ITPR1: variants seen among roughly 807,000 people sequenced by gnomAD.
ITPR1 encodes inositol 1,4,5-trisphosphate receptor type 1, also known as inositol 1,4,5-trisphosphate-gated calcium channel ITPR1.
Under a neutral mutation model 318.4 loss-of-function variants are expected in ITPR1, and 96 were observed. The observed-to-expected ratio is 0.30, with a 90% CI of 0.26 to 0.36. The LOEUF (loss-of-function observed/expected upper bound fraction) is 0.36, where lower values mean the gene tolerates loss of function less well. ITPR1 is among the 10% of genes least tolerant of loss of function. The probability of loss-of-function intolerance (pLI) is 1.00; values close to 1 mark genes in which losing one functional copy is unlikely to be tolerated. For missense variants in ITPR1, 2,440 were observed against 3,460.2 expected (o/e 0.71, Z 7.40); for synonymous variants, 1,312 against 1,289.9 (o/e 1.02, Z -0.37).
At chr3:4,554,359 G>A (rs1039605405) in intron 4 of ITPR1, among the ~76,000 whole-genome samples, 1 of 152,186 alleles carries the variant, frequency 6.6e-6, no homozygotes, top group Non-Finnish European at 1.5e-5. Context: ...TACATTTTTT[G>A]CCGAGTCGCA....
intron 4 of ITPR1, among the ~76,000 whole-genome samples, chr3:4,533,305 T>G (rs545507978): frequency 2.4e-4 from 36 of 152,198 alleles, no homozygotes; most frequent in Non-Finnish European, 4.9e-4. Flanking sequence ...GGGGAGACAC[T>G]ACAGCGTGGT....
intron 16 of ITPR1, 28 bp from the exon 17 acceptor site, chr3:4,665,110 C>T: frequency 1.2e-6 from 2 of 1,613,528 alleles, no homozygotes; most frequent in Non-Finnish European, 1.7e-6. Context: ...AAGTGATTGC[C>T]ATTTTTGCTT....
At chr3:4,688,272 C>G (rs1173208845) in intron 30 of ITPR1, among the ~76,000 whole-genome samples, 1 of 152,090 alleles carries the variant, frequency 6.6e-6, no homozygotes, top group East Asian at 1.9e-4. Flanking sequence ...CCTTACTCTG[C>G]AGTGCTCCCT....
chr3:4,784,606 C>T (rs1421374324), intron 51 of ITPR1, among the ~76,000 whole-genome samples: 3 of 148,598 alleles, frequency 2.0e-5, no homozygotes, highest in Non-Finnish European at 4.4e-5. Flanking sequence ...TGTGGCTGGG[C>T]ACAGTGGCTC....
chr3:4,644,356 G>T, intron 8 of ITPR1, 122 bp downstream of exon 8: 1 of 655,316 alleles, frequency 1.5e-6, no homozygotes, highest in South Asian at 1.9e-5. Flanking sequence ...TGCCCATTCT[G>T]CAGGTGAAGA....
intron 4 of ITPR1, among the ~76,000 whole-genome samples, chr3:4,579,205 G>A (rs892532926): frequency 5.3e-5 from 8 of 152,260 alleles, no homozygotes; most frequent in Middle Eastern, 3.4e-3. Context: ...TAAAAGATGT[G>A]TCGTTGTGAT....
In ITPR1 at chr3:4,501,560, T is replaced by C. The variant is rs575648260; in HGVS notation, c.-17+7054T>C. ...TGTCCCTGTGCTTTTTCAGTCCTTG[T>C]CATTTAGTGGTTCCTTTGCTTTTTC... On this transcript the variant is annotated intron_variant, in intron 2 of 61. Transcript: ENST00000649015. Among the ~76,000 whole-genome samples the C allele has an allele frequency of 2.0e-5, 3 of 152,370 alleles. No homozygotes were observed. In the East Asian group the frequency reaches 5.8e-4, roughly 29 times the overall value.
At chr3:4,791,881 T>C (rs2047578417) in intron 52 of ITPR1, among the ~76,000 whole-genome samples, 1 of 152,226 alleles carries the variant, frequency 6.6e-6, no homozygotes, top group Non-Finnish European at 1.5e-5. Flanking sequence ...GAGATGTATT[T>C]GTTGCCCATT....
chr3:4,498,625 C>T (rs1042989980), intron 2 of ITPR1, among the ~76,000 whole-genome samples: 3 of 152,146 alleles, frequency 2.0e-5, no homozygotes, highest in African/African-American at 7.2e-5. Context: ...GGATCACATA[C>T]CAGATGGGAA....
intron 4 of ITPR1, among the ~76,000 whole-genome samples, chr3:4,599,520 G>A (rs2091108928): frequency 6.6e-6 from 1 of 152,144 alleles, no homozygotes; most frequent in South Asian, 2.1e-4. Flanking sequence ...GAGGGGAGAA[G>A]GACTTTTACA....
intron 4 of ITPR1, among the ~76,000 whole-genome samples, chr3:4,626,153 A>G (rs890063167): frequency 2.6e-5 from 4 of 151,942 alleles, no homozygotes; most frequent in Non-Finnish European, 5.9e-5. Context: ...ATCTCTTTAA[A>G]AAAAAAATTG....
At chr3:4,782,508 C>A (rs552158887) in intron 49 of ITPR1, 111 bp from the exon 50 acceptor site, 22 of 1,148,082 alleles carry the variant, frequency 1.9e-5, no homozygotes, top group Non-Finnish European at 8.5e-6. Context: ...GGAGAGAGTG[C>A]GGAACAGCCT....
Position 4,663,135 on chromosome 3 carries a change from C to T in ITPR1, c.1483C>T (p.Leu495Phe). 4 of 1,613,644 alleles carry T rather than the reference C, an allele frequency of 2.5e-6. No homozygotes were observed. The highest frequency in any genetic ancestry group is 3.4e-6 in the Non-Finnish European group (4 of 1,179,656). Residue 495 changes from leucine (L) to phenylalanine (F), a missense_variant, in exon 16 of 62, where the codon CTC becomes TTC. Physicochemically the swap from Leu to Phe is conservative, Grantham distance 22 (BLOSUM62 0). This residue lies in a region of ITPR1 where 478 missense variants were observed against 696.3 expected (regional missense o/e 0.69). Coordinates refer to ENST00000649015, the MANE Select transcript of ITPR1 (RefSeq NM_001378452.1). ...TGGTNSGQDV[L>F]EVVFSKPNRE... ...TGGAACTAATTCTGGTCAAGATGTT[C>T]TCGAAGTTGTCTTCTCCAAGCCCAA...
At chr3:4,841,777 A>C (rs1362772669) in intron 61 of ITPR1, among the ~76,000 whole-genome samples, 2 of 152,204 alleles carry the variant, frequency 1.3e-5, no homozygotes, top group South Asian at 2.1e-4. Context: ...AGAGTTGGCC[A>C]GGTGAAATAG....
chr3:4,814,610 G>GCC, intron 58 of ITPR1, 48 bp downstream of exon 58: 1 of 1,219,774 alleles, frequency 8.2e-7, no homozygotes, highest in Non-Finnish European at 1.2e-6. Context: ...CGGGTGGGGT[G>GCC]GTTGGTGGGA....
chr3:4,502,074 A>G (rs2081062811), intron 2 of ITPR1, among the ~76,000 whole-genome samples: 1 of 152,238 alleles, frequency 6.6e-6, no homozygotes, highest in African/African-American at 2.4e-5. Context: ...TCCCAAGCAC[A>G]TATTTCTGAA....
At chr3:4,597,607 A>G (rs2090945814) in intron 4 of ITPR1, among the ~76,000 whole-genome samples, 1 of 152,182 alleles carries the variant, frequency 6.6e-6, no homozygotes, top group African/African-American at 2.4e-5. Context: ...GAAAGAGATG[A>G]GGCAAGGGGG....
chr3:4,680,790 G>A lies in ITPR1; in HGVS notation c.3106+99G>A, dbSNP rs576343803. 7.2e-6 allele frequency: 8 copies of A among 1,110,926 alleles called. No individual in the cohort carries two copies. The East Asian group carries it at 1.8e-4, about 25-fold the overall frequency. The allele number at this position is 1,110,926 out of a possible 1,614,324, so 68.8% of individuals were successfully genotyped here. ...ATCTTCTAGAAAAAGGGTGAAAATG[G>A]TTTTGAGGATTATTGCACCAGGGCA... is the stretch of plus-strand genomic sequence containing the variant. On this transcript the variant is annotated intron_variant, in intron 25 of 61. Coordinates refer to ENST00000649015, the MANE Select transcript of ITPR1 (RefSeq NM_001378452.1).
intron 44 of ITPR1, among the ~76,000 whole-genome samples, chr3:4,741,439 TA>T (rs951894711): frequency 3.9e-4 from 59 of 152,302 alleles, no homozygotes; most frequent in African/African-American, 1.3e-3. Flanking sequence ...TTTCTGCACG[TA>T]AGCAGCTAGA....
Sources: allele counts gnomAD v4.1 joint callset (sites outside exome capture counted in the v4.1 genomes callset), GRCh38; gene constraint gnomAD v4.1.1; regional missense constraint gnomAD v4.1.1; transcripts MANE v1.5; gene names NCBI Gene and HGNC (gene_info 2026-07-23, HGNC 2026-07-21).